USP54: variants seen among roughly 807,000 people sequenced by gnomAD.
USP54 encodes ubiquitin specific peptidase 54.
Under a neutral mutation model 170.5 loss-of-function variants are expected in USP54, and 87 were observed. That is an observed-to-expected ratio of 0.51 (90% CI 0.43 to 0.61). The LOEUF (loss-of-function observed/expected upper bound fraction) is 0.61. Ranked by LOEUF, USP54 falls within the 20% of genes least tolerant of loss-of-function variation. USP54 has a pLI of 0.00. For missense variants in USP54, 1,786 were observed against 2,047.8 expected (o/e 0.87, Z 2.47); for synonymous variants, 655 against 742.8 (o/e 0.88, Z 1.92).
intron 4 of USP54, among the ~76,000 whole-genome samples, chr10:73,571,137 CAAA>C (rs59126730): frequency 0.1 from 4,368 of 43,670 alleles, 104 homozygotes; most frequent in East Asian, 0.22. Flanking sequence ...GACTTCATCC[CAAA>C]AAAAAAAAAA....
At chr10:73,505,571 G>A (rs931811144) in intron 20 of USP54, 145 bp from the exon 21 acceptor site, 3 of 664,610 alleles carry the variant, frequency 4.5e-6, no homozygotes, top group Non-Finnish European at 7.4e-6. Flanking sequence ...CATGCTCCTG[G>A]AATTTAGAAG....
chr10:73,570,778 T>C (rs1264692545), intron 4 of USP54, among the ~76,000 whole-genome samples: 1 of 152,094 alleles, frequency 6.6e-6, no homozygotes, highest in African/African-American at 2.4e-5. Flanking sequence ...TTAATTACGT[T>C]AAAAACACCT....
chr10:73,510,673 T>C (rs2060057580), intron 20 of USP54, among the ~76,000 whole-genome samples: 1 of 152,086 alleles, frequency 6.6e-6, no homozygotes, highest in South Asian at 2.1e-4. Context: ...GGTCTCAAAC[T>C]CCTGACCTCA....
chr10:73,529,672 A>T lies in USP54; in HGVS notation c.2060+8T>A. 6.2e-7 allele frequency: 1 copy of T among 1,614,208 alleles called. No homozygotes were observed. The highest frequency in any genetic ancestry group is 1.1e-5 in the South Asian group (1 of 91,084). Reference sequence around the variant, plus strand: ...AGACAATGTTGCTGTTCAAAGGCCAAACAATACCTGTAGACATTTGAGCTC... The same window carrying T: ...AGACAATGTTGCTGTTCAAAGGCCATACAATACCTGTAGACATTTGAGCTC... On this transcript the variant is annotated splice_region_variant and intron_variant, in intron 15 of 23. Transcript: ENST00000687698.
chr10:73,597,306 T>G (rs140470903), intron 1 of USP54, among the ~76,000 whole-genome samples: 1 of 152,314 alleles, frequency 6.6e-6, no homozygotes, highest in East Asian at 1.9e-4. Context: ...AGATTAGAAA[T>G]TATGCTTTAG....
At chr10:73,552,321 G>A (rs2069612510) in intron 4 of USP54, among the ~76,000 whole-genome samples, 1 of 151,876 alleles carries the variant, frequency 6.6e-6, no homozygotes, top group South Asian at 2.1e-4. Flanking sequence ...GCTGACACAG[G>A]AGAATTGCTT....
intron 1 of USP54, among the ~76,000 whole-genome samples, chr10:73,600,158 C>T (rs1455527704): frequency 6.6e-6 from 1 of 152,108 alleles, no homozygotes; most frequent in Non-Finnish European, 1.5e-5. Flanking sequence ...CCTTGGCCTC[C>T]CAAGTGCTGG....
chr10:73,505,126 A>C, intron 21 of USP54, 136 bp from the exon 22 acceptor site: 2 of 1,345,180 alleles, frequency 1.5e-6, no homozygotes, highest in Admixed American at 2.0e-5. Context: ...ATGTATTGGT[A>C]AGATAGTGGC....
chr10:73,549,434 A>G (rs1362209619), intron 4 of USP54, among the ~76,000 whole-genome samples: 1 of 152,212 alleles, frequency 6.6e-6, no homozygotes, highest in African/African-American at 2.4e-5. Context: ...AACATTCCCC[A>G]AACTAAATGT....
chr10:73,622,431 C>T (rs1021797200), intron 1 of USP54, among the ~76,000 whole-genome samples: 3 of 151,992 alleles, frequency 2.0e-5, no homozygotes, highest in Non-Finnish European at 2.9e-5. Flanking sequence ...TCAAGCGATT[C>T]TCCTGCCTCA....
chr10:73,516,283 T>C (rs1416628204), intron 20 of USP54, 92 bp downstream of exon 20: 2 of 1,341,704 alleles, frequency 1.5e-6, no homozygotes, highest in Admixed American at 2.3e-5. Flanking sequence ...CTGGGGATAG[T>C]ATCTGTATAG....
chr10:73,532,408 C>T (rs564880758), intron 12 of USP54, among the ~76,000 whole-genome samples: 51 of 152,254 alleles, frequency 3.3e-4, no homozygotes, highest in African/African-American at 1.2e-3. Flanking sequence ...ATCTCCTGAC[C>T]TCGTGATCCA....
chr10:73,530,412 G>A lies in USP54; in HGVS notation c.1559C>T (p.Pro520Leu). 6.2e-7 allele frequency: 1 copy of A among 1,614,116 alleles called. No homozygotes were observed. The highest frequency in any genetic ancestry group is 8.5e-7 in the Non-Finnish European group (1 of 1,180,024). Residue 520 changes from proline (P) to leucine (L), a missense_variant, in exon 14 of 24, where the codon CCA becomes CTA. Pro to Leu is a moderately conservative substitution (Grantham distance 98). This residue lies in a region of USP54 where 1,418 missense variants were observed against 1,569.0 expected (regional missense o/e 0.90). Coordinates refer to ENST00000687698, the MANE Select transcript of USP54 (RefSeq NM_001391956.1). ...TACATTGGTCTGAGAAGCCAGGGAT[G>A]GTCTGTTATGGATCATATTGCTGAC... ...ETVSNMIHNR[P>L]SLASQTNVGS...
At chr10:73,612,164 T>G (rs1344477569) in intron 1 of USP54, among the ~76,000 whole-genome samples, 1 of 152,206 alleles carries the variant, frequency 6.6e-6, no homozygotes, top group African/African-American at 2.4e-5. Flanking sequence ...TATGTATAAT[T>G]AAATATCAGA....
chr10:73,605,847 G>C (rs1300740863), intron 1 of USP54, among the ~76,000 whole-genome samples: 2 of 151,974 alleles, frequency 1.3e-5, no homozygotes, highest in South Asian at 2.1e-4. Flanking sequence ...GAGGAATCGG[G>C]GGGTGTTTAA....
intron 11 of USP54, 125 bp from the exon 12 acceptor site, chr10:73,534,895 G>T: frequency 2.4e-6 from 2 of 835,280 alleles, no homozygotes; most frequent in Non-Finnish European, 3.7e-6. Flanking sequence ...GTGTGAGAAG[G>T]ATATGCTATA....
intron 1 of USP54, among the ~76,000 whole-genome samples, chr10:73,607,844 A>G (rs943104677): frequency 5.9e-5 from 9 of 151,922 alleles, no homozygotes; most frequent in Non-Finnish European, 1.3e-4. Context: ...AAAAAAAAAA[A>G]AAAGAAAACT....
At chr10:73,574,314 G>C (rs1465683051) in intron 3 of USP54, among the ~76,000 whole-genome samples, 1 of 151,274 alleles carries the variant, frequency 6.6e-6, no homozygotes, top group East Asian at 1.9e-4. Flanking sequence ...AGCCAAAACA[G>C]GAGAGCTCAA....
chr10:73,544,365 A>G (rs577902278), intron 5 of USP54, among the ~76,000 whole-genome samples: 5 of 152,338 alleles, frequency 3.3e-5, no homozygotes, highest in Middle Eastern at 3.4e-3. Context: ...TCTTCACGGT[A>G]CAGAAGTATC....
Sources: gnomAD v4.1 joint callset for allele counts (sites outside exome capture counted in the v4.1 genomes callset) on GRCh38, gnomAD v4.1.1 for gene constraint, gnomAD v4.1.1 regional missense constraint, MANE v1.5 for transcripts, NCBI Gene and HGNC (gene_info 2026-07-23, HGNC 2026-07-21) for gene names.